The following RELN variants were observed in gnomAD, a reference collection of about 807,000 sequenced individuals.
RELN encodes the protein reelin.
RELN carries 108 observed loss-of-function variants against 427.6 expected under a neutral mutation model. The ratio of observed to expected loss-of-function variants is 0.25; its 90% CI spans 0.22 to 0.30. RELN has a LOEUF of 0.30. Ranked by LOEUF, RELN falls within the 10% of genes least tolerant of loss-of-function variation. RELN has a pLI of 1.00. For missense variants in RELN, 3,715 were observed against 4,302.8 expected (o/e 0.86, Z 3.82); for synonymous variants, 1,524 against 1,513.4 (o/e 1.01, Z -0.16).
chr7:103,663,220 T>A (rs1465547570), intron 11 of RELN, among the ~76,000 whole-genome samples: 6 of 152,184 alleles, frequency 3.9e-5, no homozygotes, highest in Non-Finnish European at 8.8e-5. Flanking sequence ...TTTCTCCCAG[T>A]ACACTGCCAT....
intron 43 of RELN, 32 bp from the exon 44 acceptor site, chr7:103,540,487 A>G (rs752880518): frequency 1.9e-6 from 3 of 1,610,164 alleles, no homozygotes; most frequent in Non-Finnish European, 2.5e-6. Flanking sequence ...GAAGACTTTC[A>G]CTTCCAAAAG....
Position 103,765,350 on chromosome 7 carries a change from T to C in RELN, c.544+11207A>G, listed in dbSNP as rs79747338. Among the ~76,000 whole-genome samples the C allele has an allele frequency of 1.9e-3, 288 of 152,322 alleles. 2 individuals are homozygous for C. Among genetic ancestry groups the C allele is most frequent in the African/African-American group, 6.6e-3 (275 of 41,558 alleles). On this transcript the variant is annotated intron_variant, in intron 4 of 64. Coordinates refer to ENST00000428762, the MANE Select transcript of RELN (RefSeq NM_005045.4). ...TCTTCTGGGTTTGCATTAGTAAACCTGTACTATAAGCTTCTTAACAATGGG... is the reference window on the plus strand; with the variant it reads ...TCTTCTGGGTTTGCATTAGTAAACCCGTACTATAAGCTTCTTAACAATGGG...
Position 103,636,381 on chromosome 7 carries a change from C to G in RELN, c.2157G>C (p.Arg719Ser), listed in dbSNP as rs906009080. Residue 719 changes from arginine (R) to serine (S), a missense_variant, in exon 18 of 65, where the codon AGG becomes AGC. Around this residue, in one of 4 missense-constraint regions of RELN, gnomAD observed 2,208 missense variants for 2,361.7 expected, o/e 0.93. Transcript: ENST00000428762. ...AGTAAAAGTTATGGTAAGAGGAGAG[C>G]CTGGAACTGCCAAAGCTTTCAGAAA... is the stretch of plus-strand genomic sequence containing the variant. ...MFISESFGSS[R>S]LSSYHNFYSI... 1.2e-6 allele frequency: 2 copies of G among 1,613,806 alleles called. No homozygotes were observed. Among genetic ancestry groups the G allele is most frequent in the African/African-American group, 1.3e-5 (1 of 74,896 alleles).
chr7:103,479,392 T>C (rs1828149584), intron 63 of RELN, among the ~76,000 whole-genome samples: 1 of 152,216 alleles, frequency 6.6e-6, no homozygotes, highest in African/African-American at 2.4e-5. Flanking sequence ...TCAATGATCG[T>C]GTTATGCCAC....
chr7:103,537,027 TTTC>T (rs560104921), intron 45 of RELN, among the ~76,000 whole-genome samples: 115 of 152,326 alleles, frequency 7.5e-4, no homozygotes, highest in African/African-American at 2.7e-3. Flanking sequence ...TTAACAAACA[TTTC>T]CTCTTAACTA....
chr7:103,733,170 C>G (rs1294989183), intron 6 of RELN, among the ~76,000 whole-genome samples: 4 of 152,072 alleles, frequency 2.6e-5, no homozygotes, highest in African/African-American at 9.7e-5. Flanking sequence ...ATTTATGCAG[C>G]TAAAAAACAC....
intron 1 of RELN, among the ~76,000 whole-genome samples, chr7:103,919,917 G>A (rs554503360): frequency 1.3e-4 from 20 of 152,298 alleles, no homozygotes; most frequent in African/African-American, 4.3e-4. Context: ...ATTTAAATAT[G>A]TATATGAACT....
chr7:103,896,828 A>G (rs1794971577), intron 2 of RELN, among the ~76,000 whole-genome samples: 1 of 152,140 alleles, frequency 6.6e-6, no homozygotes, highest in African/African-American at 2.4e-5. Flanking sequence ...TGAACAGTAG[A>G]CTGATACGAC....
chr7:103,816,835 A>C (rs1291174146), intron 3 of RELN, among the ~76,000 whole-genome samples: 1 of 151,834 alleles, frequency 6.6e-6, no homozygotes, highest in African/African-American at 2.4e-5. Context: ...AACAGCTCAG[A>C]TTATTTTTCC....
intron 2 of RELN, among the ~76,000 whole-genome samples, chr7:103,852,390 T>C (rs539369248): frequency 5.8e-4 from 89 of 152,306 alleles, no homozygotes; most frequent in African/African-American, 2.1e-3. Context: ...TTCACATCCA[T>C]TTCTGTCATA....
At chr7:103,971,073 A>T (rs1563117988) in intron 1 of RELN, among the ~76,000 whole-genome samples, 1 of 151,666 alleles carries the variant, frequency 6.6e-6, no homozygotes, top group African/African-American at 2.4e-5. Flanking sequence ...AATCGCTCGA[A>T]CCTGGGAGGC....
chr7:103,931,992 G>C (rs1795876872), intron 1 of RELN, among the ~76,000 whole-genome samples: 1 of 152,160 alleles, frequency 6.6e-6, no homozygotes, highest in African/African-American at 2.4e-5. Context: ...TCCTCAAAGA[G>C]CTAAAAACAG....
At chr7:103,971,560 A>G (rs2116818421) in intron 1 of RELN, among the ~76,000 whole-genome samples, 1 of 152,346 alleles carries the variant, frequency 6.6e-6, no homozygotes, top group African/African-American at 2.4e-5. Flanking sequence ...TAGATATACC[A>G]AAGACTAAAA....
intron 1 of RELN, among the ~76,000 whole-genome samples, chr7:103,977,737 C>T (rs1021861018): frequency 6.6e-6 from 1 of 152,154 alleles, no homozygotes; most frequent in Non-Finnish European, 1.5e-5. Context: ...TTTGGATTTT[C>T]CTTCCATTCT....
chr7:103,588,646 A>G (rs138375825), intron 28 of RELN, among the ~76,000 whole-genome samples: 333 of 152,320 alleles, frequency 2.2e-3, no homozygotes, highest in Non-Finnish European at 3.6e-3. Flanking sequence ...TGGTGCTATG[A>G]AAGCAGAAAA....
chr7:103,668,598 T>C (rs542711977), intron 11 of RELN, among the ~76,000 whole-genome samples: 1 of 152,308 alleles, frequency 6.6e-6, no homozygotes, highest in East Asian at 1.9e-4. Context: ...CAGTTTGTAA[T>C]AGATTTGGGA....
chr7:103,490,913 GTTAAA>G, intron 58 of RELN, 84 bp from the exon 59 acceptor site: 1 of 1,386,604 alleles, frequency 7.2e-7, no homozygotes, highest in Non-Finnish European at 1.0e-6. Flanking sequence ...TTGTGATCGG[GTTAAA>G]TTAAAATATT....
At chr7:103,696,066 T>C (rs1833970784) in intron 10 of RELN, among the ~76,000 whole-genome samples, 1 of 152,136 alleles carries the variant, frequency 6.6e-6, no homozygotes, top group Non-Finnish European at 1.5e-5. Flanking sequence ...TAATTTGTAA[T>C]AGTTTTTCTG....
At chr7:103,489,644 G>C in intron 60 of RELN, 98 bp downstream of exon 60, 1 of 1,376,806 alleles carries the variant, frequency 7.3e-7, no homozygotes, top group Non-Finnish European at 1.0e-6. Context: ...CCTCAGGCTG[G>C]AGTTTCTATC....
Sources: allele counts gnomAD v4.1 joint callset (sites outside exome capture counted in the v4.1 genomes callset), GRCh38; gene constraint gnomAD v4.1.1; regional missense constraint gnomAD v4.1.1; transcripts MANE v1.5; gene names NCBI Gene and HGNC (gene_info 2026-07-23, HGNC 2026-07-21).